The following WDFY4 variants were observed in gnomAD, a reference collection of about 807,000 sequenced individuals.
WDFY4 encodes the protein WDFY family member 4, also known as WD repeat- and FYVE domain-containing protein 4.
WDFY4 carries 169 observed loss-of-function variants against 351.9 expected under a neutral mutation model. The observed-to-expected ratio is 0.48, with a 90% CI of 0.42 to 0.55. The LOEUF (loss-of-function observed/expected upper bound fraction) is 0.55, where lower values mean the gene tolerates loss of function less well. WDFY4 is among the 20% of genes least tolerant of loss of function. WDFY4 has a pLI of 0.00. For missense variants in WDFY4, 3,803 were observed against 3,935.6 expected (o/e 0.97, Z 0.90); for synonymous variants, 1,622 against 1,574.6 (o/e 1.03, Z -0.71).
In WDFY4 at chr10:48,867,275, C is replaced by A; in HGVS notation, c.6674C>A (p.Ser2225Ter). ...TTCTCCTTTCTCCAGGATTTTGTGTCATGTATAGAGAACTACAGAAGAAGA... is the reference window on the plus strand; with the variant it reads ...TTCTCCTTTCTCCAGGATTTTGTGTAATGTATAGAGAACTACAGAAGAAGA... ...DPECKTEDFV[S>*]CIENYRRRGQ... is the part of the protein sequence containing the mutation. Residue 2225 changes from serine (S) to a stop codon, truncating the protein, a stop_gained, in exon 40 of 62, where the codon TCA becomes TAA. Coordinates refer to ENST00000325239, the MANE Select transcript of WDFY4 (RefSeq NM_001394531.1). LOFTEE classifies it high-confidence loss of function. 1 of 1,441,612 alleles carries A rather than the reference C, an allele frequency of 6.9e-7. No homozygotes were observed. The highest frequency in any genetic ancestry group is 1.6e-5 in the South Asian group (1 of 62,368). 89.3% of individuals were successfully genotyped at this position (1,441,612 alleles called of 1,614,324 possible). A position where few individuals can be genotyped will look rare whatever the true frequency, so the allele number is the denominator to read the frequency against.
intron 1 of WDFY4, among the ~76,000 whole-genome samples, chr10:48,686,493 A>G (rs1275134485): frequency 6.6e-6 from 1 of 152,174 alleles, no homozygotes; most frequent in Non-Finnish European, 1.5e-5. Flanking sequence ...AGAAGCAGCA[A>G]CAGTCCAGAA....
At chr10:48,892,416 C>CA (rs1836857511) in intron 44 of WDFY4, among the ~76,000 whole-genome samples, 1 of 152,178 alleles carries the variant, frequency 6.6e-6, no homozygotes, top group South Asian at 2.1e-4. Flanking sequence ...CTCTAGAATG[C>CA]AAGCAGGAGT....
At chr10:48,705,836 A>T (rs2063612881) in intron 1 of WDFY4, among the ~76,000 whole-genome samples, 1 of 152,168 alleles carries the variant, frequency 6.6e-6, no homozygotes, top group Non-Finnish European at 1.5e-5. Flanking sequence ...GCAGTTCCAT[A>T]TTCTGCCTGA....
At chr10:48,795,831 A>T (rs971136314) in intron 23 of WDFY4, among the ~76,000 whole-genome samples, 3 of 151,980 alleles carry the variant, frequency 2.0e-5, no homozygotes, top group South Asian at 4.2e-4. Context: ...GGGTCACCAA[A>T]TGTATGCTGG....
At chr10:48,830,662 G>A in intron 37 of WDFY4, 38 bp from the exon 38 acceptor site, 1 of 1,538,022 alleles carries the variant, frequency 6.5e-7, no homozygotes, top group East Asian at 2.5e-5. Context: ...GAGGGTCACT[G>A]AGGCCATCCT....
intron 19 of WDFY4, among the ~76,000 whole-genome samples, chr10:48,786,243 G>A (rs933669367): frequency 6.6e-6 from 1 of 151,982 alleles, no homozygotes; most frequent in Non-Finnish European, 1.5e-5. Context: ...AAATTCCTTG[G>A]AACTTTCTAC....
chr10:48,725,416 G>A (rs1413324797), intron 5 of WDFY4, among the ~76,000 whole-genome samples: 1 of 152,206 alleles, frequency 6.6e-6, no homozygotes, highest in African/African-American at 2.4e-5. Context: ...TAGCCATCAG[G>A]AAAGGGGATT....
At chr10:48,912,524 CAG>C in intron 47 of WDFY4, among the ~76,000 whole-genome samples, 2 of 152,336 alleles carry the variant, frequency 1.3e-5, no homozygotes, top group South Asian at 4.1e-4. Context: ...ATGCCTCAGA[CAG>C]TGGTGCTCTG....
intron 47 of WDFY4, among the ~76,000 whole-genome samples, chr10:48,937,104 G>A (rs1840427476): frequency 6.6e-6 from 1 of 151,924 alleles, no homozygotes; most frequent in Non-Finnish European, 1.5e-5. Flanking sequence ...ATGTTGGCTA[G>A]GCTGGTCTCG....
chr10:48,898,556 G>A (rs1313857640), intron 45 of WDFY4, among the ~76,000 whole-genome samples: 1 of 152,200 alleles, frequency 6.6e-6, no homozygotes, highest in Non-Finnish European at 1.5e-5. Flanking sequence ...GATTCATCCA[G>A]TGACCCCTCC....
chr10:48,959,609 T>G, intron 52 of WDFY4, 113 bp from the exon 53 acceptor site: 1 of 934,760 alleles, frequency 1.1e-6, no homozygotes, highest in Non-Finnish European at 1.7e-6. Flanking sequence ...AGAACATAAC[T>G]CACGTTCAGA....
intron 7 of WDFY4, among the ~76,000 whole-genome samples, chr10:48,729,163 G>T (rs547922619): frequency 6.6e-6 from 1 of 152,346 alleles, no homozygotes; most frequent in East Asian, 1.9e-4. Flanking sequence ...ATGTCTTTTG[G>T]AGGTTCAGTC....
intron 20 of WDFY4, 138 bp downstream of exon 20, chr10:48,787,008 T>C: frequency 1.4e-6 from 1 of 706,066 alleles, no homozygotes; most frequent in Non-Finnish European, 2.3e-6. Flanking sequence ...ATTGTATCAT[T>C]ATATATTTAC....
At chr10:48,910,335 C>T in intron 47 of WDFY4, 1 of 1,280,196 alleles carries the variant, frequency 7.8e-7, no homozygotes, top group Admixed American at 1.7e-5. Flanking sequence ...AGAGGTCACA[C>T]CAGCTCACCA....
chr10:48,737,240 C>T (rs1291956331), intron 11 of WDFY4, among the ~76,000 whole-genome samples: 1 of 151,976 alleles, frequency 6.6e-6, no homozygotes, highest in African/African-American at 2.4e-5. Flanking sequence ...CAACTTCTGA[C>T]CTCAAGCAGT....
chr10:48,939,606 G>A (rs1490335335), intron 47 of WDFY4, among the ~76,000 whole-genome samples: 2 of 152,228 alleles, frequency 1.3e-5, no homozygotes, highest in African/African-American at 4.8e-5. Context: ...GATGGATGAT[G>A]CGGTTTATTA....
intron 13 of WDFY4, among the ~76,000 whole-genome samples, chr10:48,773,945 T>TG (rs922291560): frequency 6.6e-6 from 1 of 152,032 alleles, no homozygotes; most frequent in African/African-American, 2.4e-5. Context: ...AAAGCCAAGC[T>TG]GGGGGGGATG....
At chr10:48,829,653 C>T (rs1279667005) in intron 37 of WDFY4, among the ~76,000 whole-genome samples, 1 of 152,186 alleles carries the variant, frequency 6.6e-6, no homozygotes, top group East Asian at 1.9e-4. Context: ...AGTTCAAGAC[C>T]AGCCTGCCCA....
At chr10:48,926,879 C>T (rs964384307) in intron 47 of WDFY4, among the ~76,000 whole-genome samples, 3 of 152,178 alleles carry the variant, frequency 2.0e-5, no homozygotes, top group East Asian at 3.9e-4. Context: ...GGCAGGAACT[C>T]GTTGTTTCTC....
Sources: allele counts gnomAD v4.1 joint callset (sites outside exome capture counted in the v4.1 genomes callset), GRCh38; gene constraint gnomAD v4.1.1; transcripts MANE v1.5; gene names NCBI Gene and HGNC (gene_info 2026-07-23, HGNC 2026-07-21).